ZNF827: variants seen among roughly 807,000 people sequenced by gnomAD.
ZNF827 encodes the protein zinc finger protein 827.
A neutral mutation model predicts 102.4 loss-of-function variants in ZNF827; 13 were observed. The observed-to-expected ratio is 0.13, with a 90% CI of 0.08 to 0.20. The LOEUF is 0.20. ZNF827 is among the 10% of genes least tolerant of loss of function. The pLI, the probability that ZNF827 is intolerant of heterozygous loss-of-function variation, is 1.00. For missense variants in ZNF827, 1,103 were observed against 1,344.4 expected (o/e 0.82, Z 2.81); for synonymous variants, 523 against 536.2 (o/e 0.98, Z 0.34).
At chr4:145,783,503 A>G in intron 8 of ZNF827, among the ~76,000 whole-genome samples, 1 of 152,222 alleles carries the variant, frequency 6.6e-6, no homozygotes, top group East Asian at 1.9e-4. Flanking sequence ...CCTCTTCCCA[A>G]TAGCATCAAG....
chr4:145,846,635 G>A (rs1352006062), intron 6 of ZNF827, among the ~76,000 whole-genome samples: 2 of 140,316 alleles, frequency 1.4e-5, no homozygotes, highest in Non-Finnish European at 3.0e-5. Flanking sequence ...TGGCCAACAT[G>A]GTGAAAACCC....
chr4:145,859,196 G>A (rs1747469444), intron 5 of ZNF827, among the ~76,000 whole-genome samples: 1 of 152,160 alleles, frequency 6.6e-6, no homozygotes, highest in Non-Finnish European at 1.5e-5. Context: ...AATAGATGGG[G>A]TAGGAAGGGA....
intron 7 of ZNF827, among the ~76,000 whole-genome samples, chr4:145,825,931 T>C (rs994823238): frequency 6.6e-6 from 1 of 152,210 alleles, no homozygotes; most frequent in Non-Finnish European, 1.5e-5. Context: ...TGCTGGATAC[T>C]AAAAATGCAC....
chr4:145,830,471 C>CTT (rs1054643006), intron 7 of ZNF827: 26 of 152,106 alleles, frequency 1.7e-4, no homozygotes, highest in African/African-American at 6.0e-4. Context: ...AACAAAAACA[C>CTT]TTTATTTTTA....
intron 7 of ZNF827, among the ~76,000 whole-genome samples, chr4:145,843,159 G>C (rs1745587183): frequency 6.6e-6 from 1 of 151,318 alleles, no homozygotes; most frequent in African/African-American, 2.4e-5. Context: ...GAAGTAATAA[G>C]GCGAGAGGTA....
At chr4:145,920,183 C>T (rs1019422926) in intron 1 of ZNF827, among the ~76,000 whole-genome samples, 4 of 152,156 alleles carry the variant, frequency 2.6e-5, no homozygotes, top group East Asian at 1.9e-4. Flanking sequence ...TTAAAGAGGA[C>T]GGCTTACCTC....
chr4:145,818,412 A>G (rs1742805931), intron 8 of ZNF827, among the ~76,000 whole-genome samples: 1 of 152,258 alleles, frequency 6.6e-6, no homozygotes, highest in Admixed American at 6.5e-5. Flanking sequence ...AGTTGTTTCC[A>G]GAATTAAAAA....
At chr4:145,783,652 A>G (rs1047447700) in intron 8 of ZNF827, among the ~76,000 whole-genome samples, 4 of 152,360 alleles carry the variant, frequency 2.6e-5, no homozygotes, top group African/African-American at 9.6e-5. Context: ...AAGTTCTGAG[A>G]AGGCTTTTGC....
intron 9 of ZNF827, among the ~76,000 whole-genome samples, chr4:145,776,174 C>T (rs1443893565): frequency 2.6e-5 from 4 of 152,094 alleles, no homozygotes; most frequent in South Asian, 4.1e-4. Flanking sequence ...AGAAAATCTC[C>T]GGCTGGGCAC....
chr4:145,777,685 G>T (rs1737327331), intron 9 of ZNF827, among the ~76,000 whole-genome samples: 1 of 151,972 alleles, frequency 6.6e-6, no homozygotes, highest in East Asian at 1.9e-4. Context: ...AGGCTTAACA[G>T]GATTTATCTA....
intron 5 of ZNF827, among the ~76,000 whole-genome samples, chr4:145,859,490 TG>T (rs1421046717): frequency 3.9e-5 from 6 of 152,096 alleles, no homozygotes; most frequent in African/African-American, 1.2e-4. Context: ...CGTTGGACTG[TG>T]GGGTGGGACC....
intron 2 of ZNF827, among the ~76,000 whole-genome samples, chr4:145,892,710 G>A (rs775202417): frequency 4.8e-5 from 7 of 147,290 alleles, no homozygotes; most frequent in Non-Finnish European, 9.3e-5. Flanking sequence ...CGGCAAAGGG[G>A]CTTCGCCCAG....
intron 7 of ZNF827, among the ~76,000 whole-genome samples, chr4:145,842,224 T>C (rs1370787512): frequency 6.6e-6 from 1 of 152,218 alleles, no homozygotes; most frequent in African/African-American, 2.4e-5. Context: ...CAAAGAATAC[T>C]GTCTCCCATT....
chr4:145,768,494 C>A (rs891854235), intron 11 of ZNF827, among the ~76,000 whole-genome samples: 16 of 152,112 alleles, frequency 1.1e-4, no homozygotes, highest in Non-Finnish European at 2.1e-4. Flanking sequence ...CCCCAAGTAA[C>A]TGGAGAGCTA....
intron 1 of ZNF827, among the ~76,000 whole-genome samples, chr4:145,919,536 A>G (rs549156000): frequency 6.6e-6 from 1 of 152,350 alleles, no homozygotes; most frequent in South Asian, 2.1e-4. Flanking sequence ...TTTGGAATTT[A>G]CCAGCTATAT....
chr4:145,903,154 G>A lies in ZNF827; in HGVS notation c.105C>T (p.Asn35=). 1 of 1,614,210 alleles carries A rather than the reference G, an allele frequency of 6.2e-7. No individual in the cohort carries two copies. Among genetic ancestry groups the A allele is most frequent in the Non-Finnish European group, 8.5e-7 (1 of 1,180,036 alleles). Residue 35 remains asparagine (N), a synonymous_variant, in exon 2 of 15, where the codon AAC becomes AAT. Transcript: ENST00000508784. ...ELSEGEHWYG[N]SSETPSEASY... is the part of the protein sequence containing the mutation. Reference sequence around the variant, plus strand: ...ATGCTTCTGACGGAGTCTCTGAAGAGTTTCCATACCAGTGTTCTCCTTCAC... The same window carrying A: ...ATGCTTCTGACGGAGTCTCTGAAGAATTTCCATACCAGTGTTCTCCTTCAC...
rs560010926 is a variant in ZNF827 at position 145,903,010 on chromosome 4, C to T, written c.249G>A (p.Leu83=). The T allele has an allele frequency of 4.3e-6, 7 of 1,614,168 alleles. No homozygotes were observed. In the African/African-American group the frequency reaches 8.0e-5, roughly 18 times the overall value. The change falls in exon 2 of 15, where the codon CTG becomes CTA. Residue 83 remains leucine, a synonymous_variant. Coordinates refer to ENST00000508784, the MANE Select transcript of ZNF827 (RefSeq NM_001306215.2). ...STTPSSHTLE[L]VALDSEVLRD... is the part of the protein sequence containing the mutation. ...GCAGGACCTCACTGTCCAGTGCCAC[C>T]AGCTCCAACGTGTGGCTGCTGGGAG... is the stretch of plus-strand genomic sequence containing the variant.
chr4:145,895,042 G>T (rs538186815), intron 2 of ZNF827, among the ~76,000 whole-genome samples: 1 of 152,260 alleles, frequency 6.6e-6, no homozygotes, highest in East Asian at 1.9e-4. Context: ...ATAGGAAAGA[G>T]ATAAACAAAC....
intron 11 of ZNF827, among the ~76,000 whole-genome samples, chr4:145,773,958 A>G (rs1230138282): frequency 6.6e-6 from 1 of 152,136 alleles, no homozygotes; most frequent in Non-Finnish European, 1.5e-5. Flanking sequence ...TACAGAGAGC[A>G]AGCTCTGGAA....
Sources: gnomAD v4.1 joint callset for allele counts (sites outside exome capture counted in the v4.1 genomes callset) on GRCh38, gnomAD v4.1.1 for gene constraint, MANE v1.5 for transcripts, NCBI Gene and HGNC (gene_info 2026-07-23, HGNC 2026-07-21) for gene names.